CTNND2: variants seen among roughly 807,000 people sequenced by gnomAD.
CTNND2 encodes catenin delta-2.
Under a neutral mutation model 144.4 loss-of-function variants are expected in CTNND2, and 22 were observed. That is an observed-to-expected ratio of 0.15 (90% CI 0.11 to 0.22). CTNND2 has a LOEUF of 0.22. CTNND2 is among the 10% of genes least tolerant of loss of function. The pLI, the probability that CTNND2 is intolerant of heterozygous loss-of-function variation, is 1.00. For missense variants in CTNND2, 1,353 were observed against 1,618.8 expected (o/e 0.84, Z 2.82); for synonymous variants, 751 against 695.6 (o/e 1.08, Z -1.25).
chr5:11,250,922 G>A (rs539115257), intron 9 of CTNND2, among the ~76,000 whole-genome samples: 8 of 152,200 alleles, frequency 5.3e-5, no homozygotes, highest in South Asian at 2.1e-4. Flanking sequence ...AGTTTTGTTC[G>A]TGCAAATAAT....
intron 10 of CTNND2, among the ~76,000 whole-genome samples, chr5:11,222,720 T>C (rs1051197268): frequency 6.6e-6 from 1 of 152,156 alleles, no homozygotes; most frequent in Non-Finnish European, 1.5e-5. Flanking sequence ...GCAGGAGGAT[T>C]TCTTGAGTTC....
intron 3 of CTNND2, among the ~76,000 whole-genome samples, chr5:11,545,973 T>C (rs1283181608): frequency 6.6e-6 from 1 of 152,212 alleles, no homozygotes; most frequent in Non-Finnish European, 1.5e-5. Context: ...CAATGGTATA[T>C]TGTTTGGCAA....
At chr5:11,551,905 T>C (rs891744528) in intron 3 of CTNND2, among the ~76,000 whole-genome samples, 9 of 152,070 alleles carry the variant, frequency 5.9e-5, no homozygotes, top group Admixed American at 1.3e-4. Flanking sequence ...CTGGCGTTTT[T>C]CAAATTTTGG....
intron 2 of CTNND2, among the ~76,000 whole-genome samples, chr5:11,668,159 T>C (rs1307364623): frequency 6.6e-6 from 1 of 152,246 alleles, no homozygotes; most frequent in Non-Finnish European, 1.5e-5. Flanking sequence ...GCTGTTTTGG[T>C]TACTGTAGCC....
intron 8 of CTNND2, among the ~76,000 whole-genome samples, chr5:11,357,151 T>A (rs1266055079): frequency 6.6e-6 from 1 of 152,128 alleles, no homozygotes; most frequent in African/African-American, 2.4e-5. Context: ...AGAGTTACCA[T>A]GTGATCCAGC....
At chr5:11,473,488 G>A (rs934703714) in intron 3 of CTNND2, among the ~76,000 whole-genome samples, 1 of 151,986 alleles carries the variant, frequency 6.6e-6, no homozygotes, top group Non-Finnish European at 1.5e-5. Context: ...ATTTAGATGC[G>A]GCAGCATCAT....
chr5:11,557,639 T>C (rs967026109), intron 3 of CTNND2, among the ~76,000 whole-genome samples: 2 of 152,172 alleles, frequency 1.3e-5, no homozygotes, highest in South Asian at 2.1e-4. Context: ...TGTGATTAGG[T>C]CACACCCACC....
At chr5:11,282,445 C>T (rs906297014) in intron 9 of CTNND2, among the ~76,000 whole-genome samples, 4 of 152,122 alleles carry the variant, frequency 2.6e-5, no homozygotes, top group South Asian at 2.1e-4. Flanking sequence ...AAGATAATCA[C>T]GTGTTGTTTT....
At chr5:11,564,099 T>C (rs184409451) in intron 3 of CTNND2, among the ~76,000 whole-genome samples, 335 of 152,256 alleles carry the variant, frequency 2.2e-3, no homozygotes, top group African/African-American at 7.8e-3. Flanking sequence ...TGAGTCACTA[T>C]ATGGAGAAGA....
At chr5:11,342,965 C>T (rs1316138327) in intron 9 of CTNND2, among the ~76,000 whole-genome samples, 1 of 152,092 alleles carries the variant, frequency 6.6e-6, no homozygotes, top group Non-Finnish European at 1.5e-5. Context: ...CATACAATTA[C>T]AAATAAAATC....
At chr5:11,652,338 G>A (rs1782686741) in intron 2 of CTNND2, among the ~76,000 whole-genome samples, 1 of 152,072 alleles carries the variant, frequency 6.6e-6, no homozygotes, top group Non-Finnish European at 1.5e-5. Context: ...GGCCTCCCCA[G>A]CCATACTTCT....
intron 2 of CTNND2, among the ~76,000 whole-genome samples, chr5:11,699,027 T>TAC (rs898570025): frequency 7.0e-6 from 1 of 141,900 alleles, no homozygotes; most frequent in East Asian, 1.9e-4. Context: ...CATATATATA[T>TAC]ACATATATAT....
intron 1 of CTNND2, among the ~76,000 whole-genome samples, chr5:11,798,259 C>CAA (rs78238644): frequency 9.9e-5 from 6 of 60,440 alleles, no homozygotes; most frequent in Admixed American, 3.6e-4. Flanking sequence ...GAGACTGTTT[C>CAA]AAAAAAAAAA....
At position 11,695,442 on chromosome 5, in the gene CTNND2, C is replaced by G. The variant is rs116745247; in HGVS notation, c.174+36694G>C. 1.8e-3 allele frequency among the ~76,000 whole-genome samples: 280 copies of G among 152,274 alleles called. 1 individual carries two copies. Among genetic ancestry groups the G allele is most frequent in the Middle Eastern group, 6.8e-3 (2 of 294 alleles). On this transcript the variant is annotated intron_variant, in intron 2 of 21. Transcript: ENST00000304623. ...ACTGAAGCTCAAGAGTTGAATTATT[C>G]TCTACAGAATCATTAAGAAGTATAA... is the stretch of plus-strand genomic sequence containing the variant.
At chr5:11,563,968 T>C (rs1581507363) in intron 3 of CTNND2, among the ~76,000 whole-genome samples, 1 of 152,148 alleles carries the variant, frequency 6.6e-6, no homozygotes, top group Non-Finnish European at 1.5e-5. Flanking sequence ...CCCACTTCCA[T>C]CGATGAGAGG....
chr5:11,853,597 G>C (rs1203061260), intron 1 of CTNND2, among the ~76,000 whole-genome samples: 4 of 152,088 alleles, frequency 2.6e-5, no homozygotes, highest in African/African-American at 9.7e-5. Flanking sequence ...CTGACAGCTG[G>C]GTGCCCCATA....
intron 9 of CTNND2, among the ~76,000 whole-genome samples, chr5:11,344,283 T>A (rs1754548948): frequency 6.6e-6 from 1 of 151,944 alleles, no homozygotes; most frequent in African/African-American, 2.4e-5. Flanking sequence ...TCCCAGCTAC[T>A]CGGGAGGCTG....
At chr5:11,185,740 C>G (rs549696351) in intron 11 of CTNND2, among the ~76,000 whole-genome samples, 1 of 152,242 alleles carries the variant, frequency 6.6e-6, no homozygotes, top group African/African-American at 2.4e-5. Context: ...TCAGGAATGA[C>G]AAACAAAAAC....
chr5:11,480,076 C>A (rs530937095), intron 3 of CTNND2, among the ~76,000 whole-genome samples: 96 of 152,288 alleles, frequency 6.3e-4, no homozygotes, highest in African/African-American at 2.2e-3. Context: ...ATCATGAAAT[C>A]TTTGCCAGTT....
Sources: gnomAD v4.1 joint callset for allele counts (sites outside exome capture counted in the v4.1 genomes callset) on GRCh38, gnomAD v4.1.1 for gene constraint, MANE v1.5 for transcripts, NCBI Gene and HGNC (gene_info 2026-07-23, HGNC 2026-07-21) for gene names.